The following TMPRSS11A variants were observed in gnomAD, a reference collection of about 807,000 sequenced individuals.
TMPRSS11A encodes transmembrane protease serine 11A.
Under a neutral mutation model 58.9 loss-of-function variants are expected in TMPRSS11A, and 53 were observed. That is an observed-to-expected ratio of 0.90 (90% CI 0.72 to 1.13). The LOEUF is 1.13. TMPRSS11A is among the 50% of genes most tolerant of loss of function. The pLI is 0.00. For missense variants in TMPRSS11A, 493 were observed against 499.3 expected (o/e 0.99, Z 0.12); for synonymous variants, 167 against 169.8 (o/e 0.98, Z 0.13).
intron 9 of TMPRSS11A, among the ~76,000 whole-genome samples, chr4:67,912,281 A>AACACAC (rs58492227): frequency 3.3e-5 from 5 of 149,732 alleles, no homozygotes; most frequent in African/African-American, 9.8e-5. Context: ...CCACCATATC[A>AACACAC]ACACACACAC....
In TMPRSS11A at chr4:67,929,937, G is replaced by A; in HGVS notation, c.424C>T (p.Gln142Ter). The change falls in exon 5 of 10, where the codon CAG becomes TAG. Residue 142 changes from glutamine (Q) to a stop codon, truncating the protein, a stop_gained. Transcript: ENST00000508048. LOFTEE classifies it high-confidence loss of function. Reference sequence around the variant, plus strand: ...AAGGCTCTTAAATTCCTTATCTTCTGATTTAAGATGCTTTGGATTTTCTTC... The same window carrying A: ...AAGGCTCTTAAATTCCTTATCTTCTAATTTAAGATGCTTTGGATTTTCTTC... The part of the protein sequence containing the change: ...REKKIQSILN[Q>*]KIRNLRALPI... The A allele has an allele frequency of 2.5e-6, 4 of 1,613,722 alleles. No homozygotes were observed. The highest frequency in any genetic ancestry group is 3.4e-6 in the Non-Finnish European group (4 of 1,179,728).
intron 3 of TMPRSS11A, 79 bp downstream of exon 3, chr4:67,944,436 ATGTT>A (rs1720952074): frequency 1.4e-6 from 2 of 1,478,164 alleles, no homozygotes; most frequent in African/African-American, 2.8e-5. Flanking sequence ...TCTGAAAATC[ATGTT>A]TTTAGAAATG....
intron 2 of TMPRSS11A, among the ~76,000 whole-genome samples, chr4:67,946,148 C>T (rs1720997350): frequency 6.6e-6 from 1 of 152,036 alleles, no homozygotes; most frequent in South Asian, 2.1e-4. Context: ...AAGTTTCAGA[C>T]AATTACAATT....
intron 5 of TMPRSS11A, among the ~76,000 whole-genome samples, chr4:67,926,086 TATC>T (rs1428055031): frequency 6.6e-6 from 1 of 152,202 alleles, no homozygotes; most frequent in African/African-American, 2.4e-5. Context: ...AGACTACAAG[TATC>T]ATGATGAAAA....
chr4:67,958,131 C>T (rs1201806202), intron 1 of TMPRSS11A, among the ~76,000 whole-genome samples: 2 of 152,212 alleles, frequency 1.3e-5, no homozygotes, highest in South Asian at 4.1e-4. Context: ...CATGGAGAAC[C>T]TCTGCTAGGG....
At chr4:67,923,991 A>G (rs376145918) in intron 6 of TMPRSS11A, 137 bp downstream of exon 6, 22 of 806,506 alleles carry the variant, frequency 2.7e-5, no homozygotes, top group African/African-American at 1.6e-4. Flanking sequence ...AAAAAAATGT[A>G]TTTAAATCTA....
At chr4:67,923,823 T>C (rs1039919014) in intron 6 of TMPRSS11A, among the ~76,000 whole-genome samples, 1 of 152,258 alleles carries the variant, frequency 6.6e-6, no homozygotes. Context: ...TATTATTTTA[T>C]TTTGTAGCAG....
At chr4:67,940,802 G>GA (rs1720864076) in intron 3 of TMPRSS11A, among the ~76,000 whole-genome samples, 1 of 152,184 alleles carries the variant, frequency 6.6e-6, no homozygotes, top group Non-Finnish European at 1.5e-5. Flanking sequence ...AACACATGAA[G>GA]AGACATAAAG....
At chr4:67,944,034 T>C (rs1294537673) in intron 3 of TMPRSS11A, among the ~76,000 whole-genome samples, 1 of 152,184 alleles carries the variant, frequency 6.6e-6, no homozygotes, top group Non-Finnish European at 1.5e-5. Context: ...TTATTAGCAT[T>C]TGACTTGATT....
At chr4:67,924,061 C>G in intron 6 of TMPRSS11A, 67 bp downstream of exon 6, 1 of 1,329,742 alleles carries the variant, frequency 7.5e-7, no homozygotes, top group South Asian at 1.2e-5. Flanking sequence ...CAAGTATGAG[C>G]AAATATTTGA....
At chr4:67,916,766 G>A (rs1007932731) in intron 8 of TMPRSS11A, among the ~76,000 whole-genome samples, 1 of 152,128 alleles carries the variant, frequency 6.6e-6, no homozygotes, top group Admixed American at 6.5e-5. Flanking sequence ...GGCGGAGTTT[G>A]CAGTGAGCCG....
At chr4:67,921,707 T>A (rs1378466526) in intron 7 of TMPRSS11A, among the ~76,000 whole-genome samples, 2 of 152,206 alleles carry the variant, frequency 1.3e-5, no homozygotes, top group African/African-American at 2.4e-5. Context: ...AAAGTTAGAA[T>A]TTTATAGGTC....
At chr4:67,917,674 A>G (rs1281881211) in intron 8 of TMPRSS11A, among the ~76,000 whole-genome samples, 1 of 152,136 alleles carries the variant, frequency 6.6e-6, no homozygotes, top group Non-Finnish European at 1.5e-5. Context: ...AGTGCTCTAT[A>G]AGTGTCAGAT....
At chr4:67,920,549 ATTTTT>A (rs1553922035) in intron 7 of TMPRSS11A, among the ~76,000 whole-genome samples, 1 of 130,892 alleles carries the variant, frequency 7.6e-6, no homozygotes, top group Non-Finnish European at 1.6e-5. Flanking sequence ...ATATATATAT[ATTTTT>A]TTTTATATAT....
chr4:67,927,254 G>T (rs977574613), intron 5 of TMPRSS11A, among the ~76,000 whole-genome samples: 1 of 152,190 alleles, frequency 6.6e-6, no homozygotes, highest in Non-Finnish European at 1.5e-5. Context: ...GAGAAAAGCT[G>T]CAGCCCTTTA....
At chr4:67,948,637 A>G (rs1721085850) in intron 1 of TMPRSS11A, among the ~76,000 whole-genome samples, 1 of 152,240 alleles carries the variant, frequency 6.6e-6, no homozygotes, top group South Asian at 2.1e-4. Context: ...ACTGATTAAA[A>G]ATAATCTAGA....
chr4:67,924,149 C>A lies in TMPRSS11A; in HGVS notation c.499G>T (p.Gly167Trp), dbSNP rs748647985. The A allele has an allele frequency of 3.1e-6, 5 of 1,613,454 alleles. No homozygotes were observed. The Admixed American group carries it at 8.3e-5, about 27-fold the overall frequency. Residue 167 changes from glycine to tryptophan, a missense_variant, in exon 6 of 10, where the codon GGG (glycine) becomes TGG (tryptophan). Physicochemically the swap from Gly to Trp is radical, Grantham distance 184. Transcript: ENST00000508048. ...VQVNAMSSST[G>W]ELTVQASCGK... Reference sequence around the variant, plus strand: ...TTACTTGCTTGGACAGTTAACTCCCCTGTTGATGAGCTCATTGCTGAAAAA... The same window carrying A: ...TTACTTGCTTGGACAGTTAACTCCCATGTTGATGAGCTCATTGCTGAAAAA...
At chr4:67,915,038 T>C (rs1720109859) in intron 8 of TMPRSS11A, among the ~76,000 whole-genome samples, 1 of 152,106 alleles carries the variant, frequency 6.6e-6, no homozygotes, top group Non-Finnish European at 1.5e-5. Flanking sequence ...TTTGTAAAGC[T>C]TTTATTTGTG....
At chr4:67,927,488 G>A (rs1471094227) in intron 5 of TMPRSS11A, among the ~76,000 whole-genome samples, 4 of 152,242 alleles carry the variant, frequency 2.6e-5, no homozygotes, top group African/African-American at 9.6e-5. Context: ...GTGCCTGGCT[G>A]TGGGCAGTGG....
Sources: gnomAD v4.1 joint callset for allele counts (sites outside exome capture counted in the v4.1 genomes callset) on GRCh38, gnomAD v4.1.1 for gene constraint, MANE v1.5 for transcripts, NCBI Gene and HGNC (gene_info 2026-07-23, HGNC 2026-07-21) for gene names.